Variants in MRPL37 observed in about 807,000 individuals in gnomAD.
The protein encoded by MRPL37 is mitochondrial ribosomal protein L37.
Under a neutral mutation model 44.1 loss-of-function variants are expected in MRPL37, and 34 were observed. That is an observed-to-expected ratio of 0.77 (90% CI 0.59 to 1.03). The LOEUF is 1.03. Among genes scored for constraint, MRPL37 ranks in the 50% least tolerant of loss-of-function variants. The pLI is 0.00. For synonymous variants in MRPL37, 212 were observed against 219.5 expected (o/e 0.97, Z 0.30); for missense variants, 532 against 543.7 (o/e 0.98, Z 0.21).
At chr1:54,214,406 A>G (rs1054192968) in intron 5 of MRPL37, among the ~76,000 whole-genome samples, 4 of 152,182 alleles carry the variant, frequency 2.6e-5, no homozygotes, top group Admixed American at 6.5e-5. Flanking sequence ...TGTCTTTCCA[A>G]TCCTAGGACA....
chr1:54,208,548 CAAAAAAAAAA>C (rs57185627), intron 3 of MRPL37, among the ~76,000 whole-genome samples: 2 of 70,956 alleles, frequency 2.8e-5, no homozygotes, highest in Admixed American at 1.9e-4. Flanking sequence ...GACTCCGTCT[CAAAAAAAAAA>C]AAAAAAAAAA....
At chr1:54,204,586 GTATATTTGGTAGACATAGAC>G (rs1644107829) in intron 1 of MRPL37, among the ~76,000 whole-genome samples, 1 of 152,168 alleles carries the variant, frequency 6.6e-6, no homozygotes, top group African/African-American at 2.4e-5. Flanking sequence ...TAATAATGAG[GTATATTTGGTAGACATAGAC>G]TATATTTGGT....
chr1:54,223,170 C>T (rs1236496613), downstream of MRPL37, among the ~76,000 whole-genome samples: 3 of 152,234 alleles, frequency 2.0e-5, no homozygotes, highest in African/African-American at 7.2e-5. Flanking sequence ...ATCCAACCCC[C>T]AGCCCCAACT....
rs76181168 is a variant in MRPL37 at position 54,203,830 on chromosome 1, A to G, written c.347-1188A>G. On this transcript the variant is annotated intron_variant, in intron 1 of 6. Coordinates refer to ENST00000360840, the MANE Select transcript of MRPL37 (RefSeq NM_016491.4). ...AAACCTGGCCCTGAGCTTGCTAGCA[A>G]TCAACAAATGGTACATAGCTAGGGT... Among the ~76,000 whole-genome samples, 37 of 152,310 alleles carry G rather than the reference A, an allele frequency of 2.4e-4. 1 individual carries two copies. The East Asian group carries it at 3.9e-3, about 16-fold the overall frequency.
rs1256552701 is a variant in MRPL37, at chr1:54,200,292, C to A, written c.49C>A (p.Gln17Lys). ...AAGGCGGGCGCTAGCTGGCTCCGGG[C>A]AGCTCGGCCTTGGGGGCTTCGGGGC... ...PARRALAGSG[Q>K]LGLGGFGAPR... Residue 17 changes from glutamine to lysine, a missense_variant, in exon 1 of 7, where the codon CAG (glutamine) becomes AAG (lysine). Physicochemically the swap from Gln to Lys is moderately conservative, Grantham distance 53 (BLOSUM62 1). Transcript: ENST00000360840. 1.1e-5 allele frequency: 18 copies of A among 1,609,174 alleles called. No homozygotes were observed. The highest frequency in any genetic ancestry group is 2.2e-5 in the South Asian group (2 of 90,792).
At chr1:54,223,489 C>T (rs567180165), downstream of MRPL37, among the ~76,000 whole-genome samples, 3 of 152,232 alleles carry the variant, frequency 2.0e-5, no homozygotes, top group South Asian at 2.1e-4. Context: ...TTCTTACCCC[C>T]GCTAGAGCCC....
downstream of MRPL37, among the ~76,000 whole-genome samples, chr1:54,221,386 CTCTCTT>C (rs1157052906): frequency 6.6e-6 from 1 of 152,298 alleles, no homozygotes; most frequent in South Asian, 2.1e-4. Flanking sequence ...TGTCTTGACT[CTCTCTT>C]TAACATGGAC....
chr1:54,224,412 G>T (rs539052332), downstream of MRPL37, among the ~76,000 whole-genome samples: 1 of 152,132 alleles, frequency 6.6e-6, no homozygotes, highest in African/African-American at 2.4e-5. Context: ...GTCCGTGCAC[G>T]GCACTGTTCT....
intron 5 of MRPL37, among the ~76,000 whole-genome samples, chr1:54,214,463 G>A (rs972063269): frequency 1.3e-5 from 2 of 152,254 alleles, no homozygotes; most frequent in East Asian, 3.9e-4. Context: ...TGAAGGCTCC[G>A]AAAGATTAGG....
intron 4 of MRPL37, among the ~76,000 whole-genome samples, chr1:54,210,954 C>T (rs932712866): frequency 1.3e-5 from 2 of 152,188 alleles, no homozygotes. Flanking sequence ...AGGGCCTTCA[C>T]ATCTGGTCTC....
At chr1:54,205,823 C>G (rs1319077756) in intron 3 of MRPL37, among the ~76,000 whole-genome samples, 1 of 152,218 alleles carries the variant, frequency 6.6e-6, no homozygotes, top group African/African-American at 2.4e-5. Flanking sequence ...CTAGAGTGAT[C>G]TTTCTAAAGT....
At chr1:54,205,935 T>C (rs1319587829) in intron 3 of MRPL37, among the ~76,000 whole-genome samples, 1 of 152,162 alleles carries the variant, frequency 6.6e-6, no homozygotes, top group East Asian at 1.9e-4. Context: ...GGTCGCCACT[T>C]AGTCTTTCTA....
At chr1:54,211,583 C>T (rs1283597828) in intron 4 of MRPL37, among the ~76,000 whole-genome samples, 1 of 152,024 alleles carries the variant, frequency 6.6e-6, no homozygotes, top group Non-Finnish European at 1.5e-5. Context: ...GCCTTGACCT[C>T]CCAGGCTCAA....
At chr1:54,224,464 G>A (rs554729015), downstream of MRPL37, among the ~76,000 whole-genome samples, 1 of 152,302 alleles carries the variant, frequency 6.6e-6, no homozygotes, top group Admixed American at 6.5e-5. Context: ...CTATGAGGCA[G>A]CCAACCCGCC....
chr1:54,209,661 G>A (rs1304174415), intron 3 of MRPL37, among the ~76,000 whole-genome samples: 3 of 151,810 alleles, frequency 2.0e-5, no homozygotes, highest in Non-Finnish European at 2.9e-5. Context: ...GGGTTTCACC[G>A]CGTTAGCCAG....
downstream of MRPL37, among the ~76,000 whole-genome samples, chr1:54,223,426 C>T (rs1461084292): frequency 2.0e-5 from 3 of 152,232 alleles, no homozygotes; most frequent in African/African-American, 4.8e-5. Flanking sequence ...ATGGGACAGC[C>T]GAGACTGGGG....
At chr1:54,202,069 C>T (rs1644088821) in intron 1 of MRPL37, among the ~76,000 whole-genome samples, 2 of 150,904 alleles carry the variant, frequency 1.3e-5, no homozygotes, top group Non-Finnish European at 2.9e-5. Flanking sequence ...GTGGCATGAT[C>T]GTGCCTCACT....
intron 6 of MRPL37, among the ~76,000 whole-genome samples, chr1:54,217,710 G>T (rs527730737): frequency 6.6e-6 from 1 of 152,170 alleles, no homozygotes; most frequent in South Asian, 2.1e-4. Flanking sequence ...TCTGCAGTGG[G>T]GTCTGTCTCC....
intron 5 of MRPL37, among the ~76,000 whole-genome samples, chr1:54,215,339 T>C (rs948401717): frequency 1.3e-5 from 2 of 152,190 alleles, no homozygotes; most frequent in Admixed American, 6.5e-5. Context: ...TCTAGATTTA[T>C]GAGAGTAGAG....
Sources: gnomAD v4.1 joint callset for allele counts (sites outside exome capture counted in the v4.1 genomes callset) on GRCh38, gnomAD v4.1.1 for gene constraint, MANE v1.5 for transcripts, NCBI Gene and HGNC (gene_info 2026-07-23, HGNC 2026-07-21) for gene names.